Variants in SYNE2 observed in about 807,000 individuals in gnomAD.
SYNE2 encodes the protein spectrin repeat containing nuclear envelope protein 2.
In SYNE2, 431 loss-of-function variants were observed where a neutral mutation model predicts 856.3. The observed-to-expected ratio is 0.50, with a 90% CI of 0.47 to 0.55. SYNE2 has a LOEUF of 0.55. Among genes scored for constraint, SYNE2 ranks in the 20% least tolerant of loss-of-function variants. The probability of loss-of-function intolerance (pLI) is 0.00; values close to 1 mark genes in which losing one functional copy is unlikely to be tolerated. For missense variants in SYNE2, 8,129 were observed against 8,023.2 expected, an observed-to-expected ratio of 1.01 and a Z score of -0.50; for synonymous variants, 2,923 against 2,872.3, an observed-to-expected ratio of 1.02 and a Z score of -0.56.
chr14:64,005,680 T>TAGATA (rs2096790769), intron 30 of SYNE2, among the ~76,000 whole-genome samples: 1 of 152,206 alleles, frequency 6.6e-6, no homozygotes, highest in Non-Finnish European at 1.5e-5. Flanking sequence ...TATTAGACAT[T>TAGATA]CAAGCAGCAA....
intron 28 of SYNE2, 103 bp from the exon 29 acceptor site, chr14:64,001,831 G>A (rs2096757426): frequency 1.6e-6 from 2 of 1,263,340 alleles, no homozygotes; most frequent in Non-Finnish European, 2.3e-6. Flanking sequence ...TCTGTTTATT[G>A]GATAATTATT....
intron 11 of SYNE2, among the ~76,000 whole-genome samples, chr14:63,973,848 T>C (rs2096503548): frequency 6.6e-6 from 1 of 152,190 alleles, no homozygotes. Context: ...CTTTTAGATA[T>C]TTGCTTTTGC....
intron 1 of SYNE2, among the ~76,000 whole-genome samples, chr14:63,863,969 A>G (rs1894502931): frequency 6.6e-6 from 1 of 151,988 alleles, no homozygotes; most frequent in East Asian, 1.9e-4. Flanking sequence ...TTACAGGCGC[A>G]CGGCACCACG....
rs931512606 is a variant in SYNE2 at position 64,119,435 on chromosome 14, A to T, written c.12849A>T (p.Leu4283=). ...EQQLVGCQAM[L]TEIEHKVAFL... ...ATGCTTTTATTTCCTAGGCTATGCT[A>T]ACAGAGATTGAGCACAAGGTTGCCT... Residue 4283 remains leucine, a synonymous_variant, in exon 67 of 116, where the codon CTA becomes CTT. Coordinates refer to ENST00000555002, the MANE Select transcript of SYNE2 (RefSeq NM_182914.3). 13 of 1,614,108 alleles carry T rather than the reference A, an allele frequency of 8.1e-6. No individual in the cohort carries two copies. The highest frequency in any genetic ancestry group is 1.1e-5 in the Non-Finnish European group (13 of 1,180,042).
chr14:64,218,612 G>A (rs751412634), intron 109 of SYNE2, 100 bp downstream of exon 109: 8 of 1,171,234 alleles, frequency 6.8e-6, no homozygotes, highest in Non-Finnish European at 9.9e-6. Flanking sequence ...TATACGATTC[G>A]CCAGAACTGG....
intron 99 of SYNE2, among the ~76,000 whole-genome samples, chr14:64,191,713 G>A (rs955943240): frequency 3.9e-5 from 6 of 152,264 alleles, no homozygotes; most frequent in South Asian, 4.2e-4. Flanking sequence ...CAAATATTAG[G>A]GGGATTTGGC....
At chr14:63,931,693 G>T (rs551952761) in intron 2 of SYNE2, among the ~76,000 whole-genome samples, 2 of 152,060 alleles carry the variant, frequency 1.3e-5, no homozygotes, top group Non-Finnish European at 2.9e-5. Context: ...CTTTCAATCA[G>T]CAAATATTTA....
intron 39 of SYNE2, 77 bp downstream of exon 39, chr14:64,024,536 G>C: frequency 7.3e-7 from 1 of 1,365,598 alleles, no homozygotes. Flanking sequence ...AGCGCAGAGA[G>C]CACTGGGATA....
Position 64,017,727 on chromosome 14 carries a change from TTGAC to T in SYNE2, c.5024_5027del (p.Thr1675LysfsTer7). On this transcript the variant is annotated frameshift_variant, in exon 34 of 116. Transcript: ENST00000555002. LOFTEE classifies it high-confidence loss of function. ...CCTTCAAAAAATGGAATTACATCAA[TTGAC>T]TGAAGAGGACAGAGAAAGGCTGAAG... 3 of 1,613,744 alleles carry T rather than the reference TTGAC, an allele frequency of 1.9e-6. No individual in the cohort carries two copies. The highest frequency in any genetic ancestry group is 2.5e-6 in the Non-Finnish European group (3 of 1,179,806).
chr14:64,075,326 G>T lies in SYNE2; in HGVS notation c.10867-619G>T, dbSNP rs796464796. 9.9e-5 allele frequency among the ~76,000 whole-genome samples: 15 copies of T among 152,272 alleles called. 1 individual carries two copies. The highest frequency in any genetic ancestry group is 3.6e-4 in the African/African-American group (15 of 41,544). On this transcript the variant is annotated intron_variant, in intron 53 of 115. Transcript: ENST00000555002. ...AGTTTCTCCTTTATAATTACTGCAG[G>T]AGAAGGTAGATCAGATTTGGTTTCT...
intron 6 of SYNE2, among the ~76,000 whole-genome samples, chr14:63,945,302 T>C (rs1327841082): frequency 6.6e-6 from 1 of 152,062 alleles, no homozygotes; most frequent in Non-Finnish European, 1.5e-5. Context: ...CCCAGGTCCT[T>C]CTCCCAATCA....
chr14:64,109,118 G>A (rs975059566), intron 65 of SYNE2, among the ~76,000 whole-genome samples: 2 of 151,896 alleles, frequency 1.3e-5, no homozygotes, highest in East Asian at 1.9e-4. Flanking sequence ...CAAACCATCT[G>A]CCCACCGTAA....
chr14:64,134,600 T>C (rs761705403), intron 78 of SYNE2, among the ~76,000 whole-genome samples: 21 of 152,178 alleles, frequency 1.4e-4, no homozygotes, highest in Non-Finnish European at 2.8e-4. Flanking sequence ...TCTAAACATA[T>C]ATTTCGTTTT....
chr14:63,906,936 C>T (rs376333526), intron 1 of SYNE2, among the ~76,000 whole-genome samples: 14 of 152,242 alleles, frequency 9.2e-5, no homozygotes, highest in Admixed American at 2.0e-4. Flanking sequence ...CATGGTAGAA[C>T]GGGTAAGGAG....
At chr14:64,038,123 G>A (rs200027580) in intron 45 of SYNE2, among the ~76,000 whole-genome samples, 1,275 of 151,824 alleles carry the variant, frequency 8.4e-3, no homozygotes, top group African/African-American at 0.029. Context: ...TCTCCCAGAC[G>A]GGGTCCCGGC....
At position 63,976,559 on chromosome 14, in the gene SYNE2, T is replaced by TTC; in HGVS notation, c.1129-4_1129-3insTC. On this transcript the variant is annotated splice_region_variant and splice_polypyrimidine_tract_variant and intron_variant, in intron 11 of 115. Transcript: ENST00000555002. Reference sequence around the variant, plus strand: ...TATGTTCTTTTTTTTTTTTTTTTTTTCAGATTAATGCATGGAAAATAAAGC... The same window carrying TTC: ...TATGTTCTTTTTTTTTTTTTTTTTTTTCCAGATTAATGCATGGAAAATAAAGC... 1 of 1,538,950 alleles carries TTC rather than the reference T, an allele frequency of 6.5e-7. No individual in the cohort carries two copies. The highest frequency in any genetic ancestry group is 8.7e-7 in the Non-Finnish European group (1 of 1,146,346).
chr14:64,138,408 A>G (rs923156675), intron 79 of SYNE2, among the ~76,000 whole-genome samples: 1 of 151,428 alleles, frequency 6.6e-6, no homozygotes, highest in Non-Finnish European at 1.5e-5. Context: ...ATTTTATAAA[A>G]TTTTTTGTAG....
chr14:64,060,006 G>A (rs1004710972), intron 49 of SYNE2, among the ~76,000 whole-genome samples: 6 of 152,120 alleles, frequency 3.9e-5, no homozygotes, highest in East Asian at 1.9e-4. Flanking sequence ...GTCTTCAGTC[G>A]GCTTGTGGTG....
intron 21 of SYNE2, among the ~76,000 whole-genome samples, chr14:63,991,899 C>T (rs142567388): frequency 1.2e-4 from 18 of 152,240 alleles, no homozygotes; most frequent in Admixed American, 8.5e-4. Context: ...TATGAAAGGG[C>T]GCCCTATAGG....
Sources: gnomAD v4.1 joint callset for allele counts (sites outside exome capture counted in the v4.1 genomes callset) on GRCh38, gnomAD v4.1.1 for gene constraint, MANE v1.5 for transcripts, NCBI Gene and HGNC (gene_info 2026-07-23, HGNC 2026-07-21) for gene names.